The following POMT2 variants were observed in gnomAD, a reference collection of about 807,000 sequenced individuals.
POMT2 encodes the protein protein O-mannosyltransferase 2.
Under a neutral mutation model 100.0 loss-of-function variants are expected in POMT2, and 75 were observed. The ratio of observed to expected loss-of-function variants is 0.75; its 90% CI spans 0.62 to 0.91. The LOEUF (loss-of-function observed/expected upper bound fraction) is 0.91, where lower values mean the gene tolerates loss of function less well. Ranked by LOEUF, POMT2 falls within the 40% of genes least tolerant of loss-of-function variation. POMT2 has a pLI of 0.00. For synonymous variants in POMT2, 378 were observed against 374.1 expected (o/e 1.01, Z -0.12); for missense variants, 940 against 955.1 (o/e 0.98, Z 0.21).
chr14:77,280,285 A>G, intron 16 of POMT2, 107 bp downstream of exon 16: 1 of 1,573,586 alleles, frequency 6.4e-7, no homozygotes, highest in Non-Finnish European at 8.6e-7. Context: ...CCATCCCAGG[A>G]GGCCCCTCGC....
At chr14:77,301,443 G>A (rs1193861720) in intron 5 of POMT2, among the ~76,000 whole-genome samples, 194 bp from the exon 6 acceptor site, 1 of 152,194 alleles carries the variant, frequency 6.6e-6, no homozygotes, top group Non-Finnish European at 1.5e-5. Context: ...GGCAGGAAAA[G>A]CACTGTCTGA....
At chr14:77,287,072 TA>T in intron 11 of POMT2, 1 of 615,662 alleles carries the variant, frequency 1.6e-6, no homozygotes. Flanking sequence ...AGAAAGGGGC[TA>T]ACTTTAGGTG....
rs144193641 is a variant in POMT2 at position 77,275,524 on chromosome 14, A to C, written c.*1852T>G. ...GTCACTGTGGGCCACCTGCTTTGCT[A>C]AGAGCCAAGCACAGACCCCTGCATT... is the stretch of plus-strand genomic sequence containing the variant. On this transcript the variant is annotated 3_prime_UTR_variant, in exon 21 of 21. Transcript: ENST00000261534. 6.6e-6 allele frequency: 1 copy of C among 152,352 alleles called. No homozygotes were observed. The highest frequency in any genetic ancestry group is 1.9e-4 in the East Asian group (1 of 5,184). 9.4% of individuals were successfully genotyped at this position (152,352 alleles called of 1,614,324 possible).
At chr14:77,277,742 C>T (rs1372101994) in intron 20 of POMT2, among the ~76,000 whole-genome samples, 1 of 152,218 alleles carries the variant, frequency 6.6e-6, no homozygotes, top group Admixed American at 6.5e-5. Flanking sequence ...TTGTCATGGG[C>T]TATTTGGCCA....
rs1889977110 is a variant in POMT2, at chr14:77,276,837, CA to C, written c.*538del. ...GGGAGGGAGGGCAGCACAACTTTGA[CA>C]GTCCCATCTGCTCTGCCTTTGGTGA... On this transcript the variant is annotated 3_prime_UTR_variant, in exon 21 of 21. Transcript: ENST00000261534. 6.4e-6 allele frequency: 1 copy of C among 155,212 alleles called. No individual in the cohort carries two copies. Among genetic ancestry groups the C allele is most frequent in the Non-Finnish European group, 1.4e-5 (1 of 69,860 alleles). The allele number at this position is 155,212 out of a possible 1,614,324, so 9.6% of individuals were successfully genotyped here. A position where few individuals can be genotyped will look rare whatever the true frequency, so the allele number is the denominator to read the frequency against.
chr14:77,298,531 A>G (rs1890911006), intron 8 of POMT2, among the ~76,000 whole-genome samples, 158 bp downstream of exon 8: 1 of 152,160 alleles, frequency 6.6e-6, no homozygotes, highest in Non-Finnish European at 1.5e-5. Flanking sequence ...CTCTGTCCTG[A>G]TTCACTCTCG....
chr14:77,298,978 T>C (rs1332459039), intron 7 of POMT2, among the ~76,000 whole-genome samples: 1 of 152,242 alleles, frequency 6.6e-6, no homozygotes, highest in Non-Finnish European at 1.5e-5. Flanking sequence ...AAGATAACCT[T>C]GTTTAGCCTT....
At chr14:77,302,382 G>T (rs1427307596) in intron 5 of POMT2, among the ~76,000 whole-genome samples, 5 of 152,130 alleles carry the variant, frequency 3.3e-5, no homozygotes, top group Admixed American at 3.3e-4. Context: ...AACCACTGAC[G>T]AAAGGGAGAT....
intron 10 of POMT2, 99 bp from the exon 11 acceptor site, chr14:77,288,930 GCTAGAGGTACTA>G: frequency 9.7e-7 from 1 of 1,029,660 alleles, no homozygotes; most frequent in Non-Finnish European, 1.5e-6. Flanking sequence ...TGTGGTATCT[GCTAGAGGTACTA>G]ACCAGGTACT....
At chr14:77,278,912 G>A in intron 18 of POMT2, 43 bp from the exon 19 acceptor site, 1 of 1,598,118 alleles carries the variant, frequency 6.3e-7, no homozygotes, top group Non-Finnish European at 8.5e-7. Context: ...CAAGGAGCGG[G>A]CAGAGATTCC....
chr14:77,283,678 T>G (rs1346383375), intron 15 of POMT2, 119 bp downstream of exon 15: 2 of 908,668 alleles, frequency 2.2e-6, no homozygotes, highest in Non-Finnish European at 3.7e-6. Context: ...GTAGTAAAGA[T>G]GCTTTCAAAT....
At position 77,285,453 on chromosome 14, in the gene POMT2, T is replaced by G. The variant is rs371865220; in HGVS notation, c.1484+28A>C. The G allele has an allele frequency of 5.0e-6, 8 of 1,613,752 alleles. No individual in the cohort carries two copies. The African/African-American group carries it at 1.1e-4, about 22-fold the overall frequency. ...GTGAAAGGAAAATCAGGACCCTCGA[T>G]TGGGACAGCAAAACCCTAGAGACTT... On this transcript the variant is annotated intron_variant, in intron 13 of 20. Coordinates refer to ENST00000261534, the MANE Select transcript of POMT2 (RefSeq NM_013382.7).
In POMT2 at chr14:77,280,063, C is replaced by T. The variant is rs755254043; in HGVS notation, c.1743G>A (p.Gly581=). 8.7e-6 allele frequency: 14 copies of T among 1,613,846 alleles called. No homozygotes were observed. Among genetic ancestry groups the T allele is most frequent in the Non-Finnish European group, 1.2e-5 (14 of 1,180,004 alleles). Residue 581 remains glycine (G), a synonymous_variant, in exon 17 of 21, where the codon GGG becomes GGA. Coordinates refer to ENST00000261534, the MANE Select transcript of POMT2 (RefSeq NM_013382.7). ...AGACTCGGAAATCTGTGTCATTGAC[C>T]CCTGAGAAGCGTAGGCCCTGTGGAA... ...PINYQGLRFS[G]VNDTDFRVYL...
At chr14:77,292,947 G>A (rs1288946446) in intron 9 of POMT2, among the ~76,000 whole-genome samples, 1 of 152,128 alleles carries the variant, frequency 6.6e-6, no homozygotes, top group Non-Finnish European at 1.5e-5. Context: ...ATCACCTAAT[G>A]ACCTGTTTCT....
chr14:77,280,516 C>T, intron 15 of POMT2, 53 bp from the exon 16 acceptor site: 2 of 1,613,088 alleles, frequency 1.2e-6, no homozygotes. Flanking sequence ...AGAGGGCTGA[C>T]AGAAATGTGG....
intron 4 of POMT2, 46 bp downstream of exon 4, chr14:77,304,646 T>C (rs533116136): frequency 6.4e-7 from 1 of 1,552,286 alleles, no homozygotes; most frequent in South Asian, 1.2e-5. Context: ...ATTCACGGAG[T>C]GGCAGCCCAT....
chr14:77,314,899 T>C (rs1891573414), intron 1 of POMT2, among the ~76,000 whole-genome samples: 1 of 152,184 alleles, frequency 6.6e-6, no homozygotes, highest in Non-Finnish European at 1.5e-5. Context: ...TAAATATAAA[T>C]ATGACTTGCT....
At position 77,302,904 on chromosome 14, in the gene POMT2, T is replaced by A. The variant is rs745591622; in HGVS notation, c.587A>T (p.Asp196Val). The change falls in exon 5 of 21, where the codon GAC becomes GTC. Residue 196 changes from aspartate (D) to valine (V), a missense_variant. By Grantham distance (152) the Asp-to-Val change is radical. Coordinates refer to ENST00000261534, the MANE Select transcript of POMT2 (RefSeq NM_013382.7). ...CLTLSQYILL[D>V]PILMFFIMAA... Reference sequence around the variant, plus strand: ...CATGATGAAGAACATCAGGATGGGGTCAAGGAGGATGTACTGGGACAGAGT... The same window carrying A: ...CATGATGAAGAACATCAGGATGGGGACAAGGAGGATGTACTGGGACAGAGT... The A allele has an allele frequency of 1.2e-6, 2 of 1,613,726 alleles. No individual in the cohort carries two copies. The highest frequency in any genetic ancestry group is 1.1e-5 in the South Asian group (1 of 91,034).
intron 15 of POMT2, among the ~76,000 whole-genome samples, chr14:77,281,120 AAATAAATAAATAAATAAATAAT>A (rs1457119810): frequency 2.0e-5 from 3 of 149,116 alleles, no homozygotes; most frequent in Non-Finnish European, 4.5e-5. Context: ...ATAAATAAAT[AAATAAATAAATAAATAAATAAT>A]AAGGCTTACT....
Sources: gnomAD v4.1 joint callset for allele counts (sites outside exome capture counted in the v4.1 genomes callset) on GRCh38, gnomAD v4.1.1 for gene constraint, MANE v1.5 for transcripts, NCBI Gene and HGNC (gene_info 2026-07-23, HGNC 2026-07-21) for gene names.